COL14A1: variants seen among roughly 807,000 people sequenced by gnomAD.
The protein encoded by COL14A1 is collagen type XIV alpha 1 chain.
A neutral mutation model predicts 230.3 loss-of-function variants in COL14A1; 136 were observed. That is an observed-to-expected ratio of 0.59 (90% CI 0.51 to 0.68). The LOEUF (loss-of-function observed/expected upper bound fraction) is 0.68, where lower values mean the gene tolerates loss of function less well. Among genes scored for constraint, COL14A1 ranks in the 30% least tolerant of loss-of-function variants. The pLI is 0.00. For synonymous variants in COL14A1, 792 were observed against 784.1 expected, an observed-to-expected ratio of 1.01 and a Z score of -0.17; for missense variants, 1,976 against 2,215.8, an observed-to-expected ratio of 0.89 and a Z score of 2.17.
At chr8:120,245,577 A>G (rs1006552039) in intron 20 of COL14A1, among the ~76,000 whole-genome samples, 9 of 151,992 alleles carry the variant, frequency 5.9e-5, no homozygotes, top group Admixed American at 1.3e-4. Flanking sequence ...TTTTTTTATC[A>G]TATCTCACAA....
In COL14A1 at chr8:120,300,658, G is replaced by A. The variant is rs561720458; in HGVS notation, c.4315-74G>A. On this transcript the variant is annotated intron_variant, in intron 35 of 47. Transcript: ENST00000297848. ...ATCTAAAAATATCTTAAATCAAACT[G>A]TTTTCTTTGAGCCAGTAAAGCCATT... 6.4e-6 allele frequency: 7 copies of A among 1,094,608 alleles called. No individual in the cohort carries two copies. In the African/African-American group the frequency reaches 1.1e-4, roughly 17 times the overall value. 67.8% of individuals were successfully genotyped at this position (1,094,608 alleles called of 1,614,324 possible).
intron 8 of COL14A1, among the ~76,000 whole-genome samples, chr8:120,199,843 G>A (rs968116695): frequency 6.6e-6 from 1 of 152,028 alleles, no homozygotes; most frequent in Non-Finnish European, 1.5e-5. Context: ...GCAAAGGTCA[G>A]GTACATGTTT....
At chr8:120,215,248 G>A (rs1360861486) in intron 13 of COL14A1, among the ~76,000 whole-genome samples, 3 of 152,136 alleles carry the variant, frequency 2.0e-5, no homozygotes, top group Non-Finnish European at 4.4e-5. Flanking sequence ...ACACACGCCT[G>A]TAATCCCAGC....
At chr8:120,250,025 A>G (rs1387903464) in intron 21 of COL14A1, among the ~76,000 whole-genome samples, 2 of 152,248 alleles carry the variant, frequency 1.3e-5, no homozygotes, top group African/African-American at 4.8e-5. Flanking sequence ...TTAATGCTTC[A>G]TTAAAGACCC....
intron 45 of COL14A1, among the ~76,000 whole-genome samples, chr8:120,356,227 A>G (rs773296729): frequency 5.9e-5 from 9 of 152,240 alleles, no homozygotes; most frequent in African/African-American, 9.6e-5. Context: ...ATTGCTAAGC[A>G]TGTTATGTGA....
At chr8:120,260,228 T>C (rs146907278) in intron 23 of COL14A1, among the ~76,000 whole-genome samples, 71 of 152,252 alleles carry the variant, frequency 4.7e-4, no homozygotes, top group African/African-American at 1.7e-3. Context: ...AAAGTCTATA[T>C]TTGTCCATAG....
chr8:120,198,059 C>T, intron 7 of COL14A1, 129 bp downstream of exon 7: 1 of 892,388 alleles, frequency 1.1e-6, no homozygotes, highest in Non-Finnish European at 1.7e-6. Context: ...TCTTTGATGG[C>T]TGTTTTCCCA....
At chr8:120,337,417 A>T (rs79010637) in intron 42 of COL14A1, among the ~76,000 whole-genome samples, 14 of 139,750 alleles carry the variant, frequency 1.0e-4, no homozygotes, top group African/African-American at 2.7e-4. Context: ...AAAAAAAAAA[A>T]AGAAAAAAGA....
At chr8:120,267,366 T>G (rs1819529863) in intron 25 of COL14A1, among the ~76,000 whole-genome samples, 1 of 152,036 alleles carries the variant, frequency 6.6e-6, no homozygotes, top group South Asian at 2.1e-4. Flanking sequence ...TGAACATTTA[T>G]TAATCCTGCT....
intron 13 of COL14A1, among the ~76,000 whole-genome samples, chr8:120,216,104 C>G (rs1470838695): frequency 1.3e-5 from 2 of 152,066 alleles, no homozygotes; most frequent in Non-Finnish European, 2.9e-5. Flanking sequence ...TTACCTAAAT[C>G]CTATTTATTT....
At chr8:120,308,709 A>C (rs1820927529) in intron 36 of COL14A1, among the ~76,000 whole-genome samples, 1 of 152,244 alleles carries the variant, frequency 6.6e-6, no homozygotes, top group South Asian at 2.1e-4. Flanking sequence ...TAAGTGATAC[A>C]GCATTCTGCT....
intron 5 of COL14A1, among the ~76,000 whole-genome samples, chr8:120,185,797 A>C (rs544871666): frequency 5.6e-4 from 85 of 151,942 alleles, no homozygotes; most frequent in South Asian, 1.7e-3. Context: ...TTTGAGATGG[A>C]GTTTTGCTCT....
chr8:120,343,296 G>C (rs905496920), intron 44 of COL14A1, among the ~76,000 whole-genome samples: 1 of 152,124 alleles, frequency 6.6e-6, no homozygotes, highest in Non-Finnish European at 1.5e-5. Flanking sequence ...CCCAGCTCTC[G>C]CCTAGCTCTG....
In COL14A1 at chr8:120,226,684, G is replaced by A; in HGVS notation, c.1922G>A (p.Arg641Lys). ...EIDEVTTDSF[R>K]VTWHPLSADE... Reference sequence around the variant, plus strand: ...GATGAGGTGACGACAGACAGTTTTAGGGTGACCTGGCATCCCCTCTCAGCT... The same window carrying A: ...GATGAGGTGACGACAGACAGTTTTAAGGTGACCTGGCATCCCCTCTCAGCT... Residue 641 changes from arginine (R) to lysine (K), a missense_variant, in exon 16 of 48, where the codon AGG becomes AAG. By Grantham distance (26) the Arg-to-Lys change is conservative. Around this residue, in one of 3 missense-constraint regions of COL14A1, gnomAD observed 1,791 missense variants for 2,019.5 expected, o/e 0.89. Coordinates refer to ENST00000297848, the MANE Select transcript of COL14A1 (RefSeq NM_021110.4). 2 of 1,613,938 alleles carry A rather than the reference G, an allele frequency of 1.2e-6. No individual in the cohort carries two copies. The highest frequency in any genetic ancestry group is 1.7e-6 in the Non-Finnish European group (2 of 1,179,902).
chr8:120,208,216 AC>A lies in COL14A1; in HGVS notation c.1192-15del. On this transcript the variant is annotated splice_polypyrimidine_tract_variant and intron_variant, in intron 10 of 47. Transcript: ENST00000297848. ...GATATTCCATACTCTCATTACTCAAACTGTTCTTTAAACAGGTGGTGGTAGA... is the reference window on the plus strand; with the variant it reads ...GATATTCCATACTCTCATTACTCAAATGTTCTTTAAACAGGTGGTGGTAGA... The A allele has an allele frequency of 6.3e-7, 1 of 1,595,198 alleles. No individual in the cohort carries two copies.
chr8:120,294,984 C>T (rs1820480785), intron 34 of COL14A1, among the ~76,000 whole-genome samples: 1 of 151,838 alleles, frequency 6.6e-6, no homozygotes, highest in African/African-American at 2.4e-5. Flanking sequence ...GTAATGTAGA[C>T]ATTAGACTGT....
At chr8:120,159,516 C>G (rs1328177659) in intron 3 of COL14A1, among the ~76,000 whole-genome samples, 1 of 151,806 alleles carries the variant, frequency 6.6e-6, no homozygotes, top group South Asian at 2.1e-4. Context: ...GAGCTACAAG[C>G]CTTTCAGTGG....
chr8:120,204,565 T>C (rs759708750), intron 9 of COL14A1, among the ~76,000 whole-genome samples: 8 of 152,204 alleles, frequency 5.3e-5, no homozygotes, highest in Non-Finnish European at 8.8e-5. Context: ...TGTTTAACCA[T>C]TCACACATTG....
chr8:120,371,715 C>T lies in COL14A1; in HGVS notation c.*484C>T. On this transcript the variant is annotated 3_prime_UTR_variant, in exon 48 of 48. Coordinates refer to ENST00000297848, the MANE Select transcript of COL14A1 (RefSeq NM_021110.4). ...AGGGACAATATTGGAGAAACTACCT[C>T]TTGTTTAATTGATCTGTCCAACTCT... 2.5e-6 allele frequency: 1 copy of T among 398,146 alleles called. No homozygotes were observed. The highest frequency in any genetic ancestry group is 4.4e-6 in the Non-Finnish European group (1 of 225,516). The allele number at this position is 398,146 out of a possible 1,614,324, so 24.7% of individuals were successfully genotyped here.
Sources: allele counts gnomAD v4.1 joint callset (sites outside exome capture counted in the v4.1 genomes callset), GRCh38; gene constraint gnomAD v4.1.1; regional missense constraint gnomAD v4.1.1; transcripts MANE v1.5; gene names NCBI Gene and HGNC (gene_info 2026-07-23, HGNC 2026-07-21).